Variants in TMEM74 observed in about 807,000 individuals in gnomAD.
The protein encoded by TMEM74 is transmembrane protein 74.
In TMEM74, 13 loss-of-function variants were observed where a neutral mutation model predicts 18.1. That is an observed-to-expected ratio of 0.72 (90% CI 0.47 to 1.14). The LOEUF (loss-of-function observed/expected upper bound fraction) is 1.14. Ranked by LOEUF, TMEM74 falls within the 50% of genes most tolerant of loss-of-function variation. The pLI, the probability that TMEM74 is intolerant of heterozygous loss-of-function variation, is 0.00. For missense variants in TMEM74, 372 were observed against 375.9 expected (o/e 0.99, Z 0.09); for synonymous variants, 159 against 146.6 (o/e 1.08, Z -0.61).
chr8:108,718,834 C>A (rs180916457), intron 1 of TMEM74, among the ~76,000 whole-genome samples: 1 of 151,890 alleles, frequency 6.6e-6, no homozygotes, highest in Admixed American at 6.5e-5. Context: ...TTTACACATG[C>A]AATTTATATT....
chr8:108,735,600 C>A (rs919051181), intron 1 of TMEM74, among the ~76,000 whole-genome samples: 4 of 152,148 alleles, frequency 2.6e-5, no homozygotes, highest in Non-Finnish European at 5.9e-5. Flanking sequence ...TTTTGTTTAA[C>A]CTCTTGTCCA....
At chr8:108,662,185 G>A (rs182037855) in intron 1 of TMEM74, among the ~76,000 whole-genome samples, 10 of 152,074 alleles carry the variant, frequency 6.6e-5, no homozygotes, top group Non-Finnish European at 1.3e-4. Flanking sequence ...GAAAAGTTGA[G>A]GAGGTGGTGG....
At chr8:108,706,768 T>C (rs1317614526) in intron 1 of TMEM74, among the ~76,000 whole-genome samples, 2 of 133,848 alleles carry the variant, frequency 1.5e-5, no homozygotes, top group African/African-American at 2.9e-5. Flanking sequence ...GCTTCTAGAA[T>C]TACAAGGGGT....
chr8:108,785,093 C>A lies in TMEM74; in HGVS notation c.6G>T (p.Glu2Asp). The change falls in exon 2 of 2, where the codon GAG (glutamate) becomes GAT (aspartate). Residue 2 changes from glutamate to aspartate, a missense_variant. By Grantham distance (45) the Glu-to-Asp change is conservative. Transcript: ENST00000297459. ...TGCTCTTCTTAGCAAGGTAGTGGAG[C>A]TCCATGAGAGCTAGTCAGACATCCC... M[E>D]LHYLAKKSNQ... is the part of the protein sequence containing the mutation. 6.3e-7 allele frequency: 1 copy of A among 1,593,314 alleles called. No homozygotes were observed. The highest frequency in any genetic ancestry group is 8.5e-7 in the Non-Finnish European group (1 of 1,171,422).
intron 2 of TMEM74, among the ~76,000 whole-genome samples, chr8:108,635,372 G>A (rs531003180): frequency 6.6e-6 from 1 of 151,620 alleles, no homozygotes; most frequent in African/African-American, 2.4e-5. Flanking sequence ...TTCTTCCTCC[G>A]ATCCTTTCTG....
At chr8:108,765,407 CTTT>C (rs61334796) in intron 1 of TMEM74, among the ~76,000 whole-genome samples, 8 of 120,716 alleles carry the variant, frequency 6.6e-5, no homozygotes, top group African/African-American at 1.6e-4. Flanking sequence ...TTTGGAACTA[CTTT>C]TTTTTTTTTT....
At chr8:108,641,661 G>A (rs149146873) in intron 2 of TMEM74, among the ~76,000 whole-genome samples, 303 of 152,268 alleles carry the variant, frequency 2.0e-3, no homozygotes, top group African/African-American at 7.0e-3. Flanking sequence ...ACTACAGTGA[G>A]CAGACTTGTG....
intron 1 of TMEM74, among the ~76,000 whole-genome samples, chr8:108,771,245 C>T (rs918161038): frequency 8.5e-5 from 13 of 152,082 alleles, no homozygotes; most frequent in Admixed American, 2.0e-4. Context: ...AACCTCTCTA[C>T]ACTTCAATGT....
At chr8:108,681,437 A>C (rs955823562) in intron 1 of TMEM74, among the ~76,000 whole-genome samples, 3 of 152,190 alleles carry the variant, frequency 2.0e-5, no homozygotes, top group Non-Finnish European at 4.4e-5. Flanking sequence ...TATTTAATAA[A>C]TGGTGCTGGG....
At chr8:108,612,627 A>G (rs1812344691) in intron 2 of TMEM74, among the ~76,000 whole-genome samples, 1 of 152,220 alleles carries the variant, frequency 6.6e-6, no homozygotes, top group South Asian at 2.1e-4. Flanking sequence ...CTTTAGACTA[A>G]AGCTAAAGTG....
At chr8:108,659,963 G>T (rs140282385) in intron 1 of TMEM74, among the ~76,000 whole-genome samples, 1,686 of 152,240 alleles carry the variant, frequency 0.011, 16 homozygotes, top group Middle Eastern at 0.044. Context: ...GCTACCCAGA[G>T]CTCCTGAGAC....
At chr8:108,628,681 G>C (rs978045790) in intron 2 of TMEM74, among the ~76,000 whole-genome samples, 2 of 151,972 alleles carry the variant, frequency 1.3e-5, no homozygotes, top group African/African-American at 4.8e-5. Context: ...TGGTATTTCT[G>C]GTTCTAGATC....
intron 1 of TMEM74, among the ~76,000 whole-genome samples, chr8:108,707,564 T>A (rs546025866): frequency 6.6e-6 from 1 of 152,306 alleles, no homozygotes; most frequent in Non-Finnish European, 1.5e-5. Flanking sequence ...ACTGATTTTG[T>A]TAAGAATGCC....
At chr8:108,656,618 T>C (rs1308408905) in intron 1 of TMEM74, among the ~76,000 whole-genome samples, 2 of 152,154 alleles carry the variant, frequency 1.3e-5, no homozygotes, top group African/African-American at 4.8e-5. Context: ...TAACCACTCT[T>C]AGGATGACTT....
chr8:108,706,141 C>T (rs1269876596), intron 1 of TMEM74, among the ~76,000 whole-genome samples: 3 of 152,212 alleles, frequency 2.0e-5, no homozygotes, highest in Admixed American at 1.3e-4. Context: ...TCTCATCTTT[C>T]TTTTGCATTG....
intron 1 of TMEM74, among the ~76,000 whole-genome samples, chr8:108,655,982 C>T (rs1004201330): frequency 6.6e-6 from 1 of 152,156 alleles, no homozygotes; most frequent in Non-Finnish European, 1.5e-5. Context: ...TGGCTCATGC[C>T]TATAATCCCA....
chr8:108,612,588 G>A (rs570826107), intron 2 of TMEM74, among the ~76,000 whole-genome samples: 2 of 152,250 alleles, frequency 1.3e-5, no homozygotes, highest in African/African-American at 4.8e-5. Context: ...TCTAAGAACT[G>A]GTGGACTCTA....
chr8:108,699,322 G>A (rs2130614021), intron 1 of TMEM74, among the ~76,000 whole-genome samples: 1 of 151,692 alleles, frequency 6.6e-6, no homozygotes, highest in African/African-American at 2.4e-5. Flanking sequence ...CACTATGTGT[G>A]CTATGTGTAT....
intron 1 of TMEM74, among the ~76,000 whole-genome samples, chr8:108,773,777 G>A (rs1814198790): frequency 1.3e-5 from 2 of 152,182 alleles, no homozygotes; most frequent in South Asian, 2.1e-4. Context: ...TGTCAGCCAT[G>A]TGAGTGAGTA....
Sources: allele counts gnomAD v4.1 joint callset (sites outside exome capture counted in the v4.1 genomes callset), GRCh38; gene constraint gnomAD v4.1.1; transcripts MANE v1.5; gene names NCBI Gene and HGNC (gene_info 2026-07-23, HGNC 2026-07-21).